The following ZNF423 variants were observed in gnomAD, a reference collection of about 807,000 sequenced individuals.
ZNF423 encodes zinc finger protein 423, also known as Ebf-associated zinc finger protein.
A neutral mutation model predicts 95.8 loss-of-function variants in ZNF423; 12 were observed. The observed-to-expected ratio is 0.13, with a 90% CI of 0.08 to 0.20. The LOEUF (loss-of-function observed/expected upper bound fraction) is 0.20. Among genes scored for constraint, ZNF423 ranks in the 10% least tolerant of loss-of-function variants. ZNF423 has a pLI of 1.00. For synonymous variants in ZNF423, 749 were observed against 711.9 expected (o/e 1.05, Z -0.83); for missense variants, 1,316 against 1,737.1 (o/e 0.76, Z 4.31).
intron 5 of ZNF423, among the ~76,000 whole-genome samples, chr16:49,586,472 T>C (rs972536532): frequency 2.0e-5 from 3 of 152,230 alleles, no homozygotes; most frequent in Middle Eastern, 3.2e-3. Flanking sequence ...TTGCTAATAG[T>C]TATGCAAGGC....
At chr16:49,535,607 G>A (rs1167881962) in intron 5 of ZNF423, among the ~76,000 whole-genome samples, 1 of 152,116 alleles carries the variant, frequency 6.6e-6, no homozygotes. Flanking sequence ...ACTGAGAACC[G>A]AGGAAAGAGA....
intron 3 of ZNF423, among the ~76,000 whole-genome samples, chr16:49,645,226 G>T (rs1398931189): frequency 6.6e-6 from 1 of 152,166 alleles, no homozygotes; most frequent in African/African-American, 2.4e-5. Flanking sequence ...AGAGCTCCAA[G>T]AATAGGAATC....
chr16:49,566,198 G>A (rs1970183616), intron 5 of ZNF423, among the ~76,000 whole-genome samples: 1 of 152,172 alleles, frequency 6.6e-6, no homozygotes, highest in African/African-American at 2.4e-5. Flanking sequence ...CCCCCAAACA[G>A]CACTCATAGC....
chr16:49,831,275 TTC>T (rs2035058234), intron 1 of ZNF423, among the ~76,000 whole-genome samples: 2 of 152,360 alleles, frequency 1.3e-5, no homozygotes, highest in African/African-American at 4.8e-5. Flanking sequence ...TCTTTCTTTA[TTC>T]ATTTTATCTT....
At chr16:49,624,877 C>T (rs978534994) in intron 5 of ZNF423, among the ~76,000 whole-genome samples, 1 of 152,212 alleles carries the variant, frequency 6.6e-6, no homozygotes, top group African/African-American at 2.4e-5. Context: ...AAGAGGGAAG[C>T]TTCTGAAATG....
chr16:49,683,138 G>A (rs543038349), intron 3 of ZNF423, among the ~76,000 whole-genome samples: 42 of 152,240 alleles, frequency 2.8e-4, no homozygotes, highest in African/African-American at 6.0e-4. Flanking sequence ...GGTGCCTGGC[G>A]TCTGCCTCCA....
At position 49,545,791 on chromosome 16, in the gene ZNF423, C is replaced by CT. The variant is rs1969417568; in HGVS notation, c.3602-20298dup. 2.0e-5 allele frequency among the ~76,000 whole-genome samples: 3 copies of CT among 152,222 alleles called. No individual in the cohort carries two copies. The South Asian group carries it at 6.2e-4, about 32-fold the overall frequency. ...GTTAATAAAGATTAGCTCTCCTGGA[C>CT]TATCTTGGAGGCATTCAAGTGCTAA... On this transcript the variant is annotated intron_variant, in intron 5 of 7. Coordinates refer to ENST00000563137, the MANE Select transcript of ZNF423 (RefSeq NM_001379286.1).
At chr16:49,781,381 G>A (rs969873998) in intron 2 of ZNF423, among the ~76,000 whole-genome samples, 5 of 152,184 alleles carry the variant, frequency 3.3e-5, no homozygotes, top group South Asian at 2.1e-4. Context: ...TGAGAGGTAC[G>A]TGGGTCCCAG....
At chr16:49,559,843 C>T (rs1969959902) in intron 5 of ZNF423, among the ~76,000 whole-genome samples, 1 of 152,172 alleles carries the variant, frequency 6.6e-6, no homozygotes, top group South Asian at 2.1e-4. Flanking sequence ...GGCACGATCC[C>T]AGTCAAGAAA....
At position 49,620,132 on chromosome 16, in the gene ZNF423, T is replaced by TACACACAC. The variant is rs56739115; in HGVS notation, c.3601+6030_3601+6037dup. Among the ~76,000 whole-genome samples the TACACACAC allele has an allele frequency of 6.2e-3, 894 of 143,854 alleles. 4 individuals are homozygous for TACACACAC. Among genetic ancestry groups the TACACACAC allele is most frequent in the African/African-American group, 0.016 (635 of 39,160 alleles). 94.4% of individuals were successfully genotyped at this position (143,854 alleles called of 152,430 possible). ...TCTCCCTCTTTCCCTCTCTCTCTTCTACACACACACACACACACACACACA... is the reference window on the plus strand; with the variant it reads ...TCTCCCTCTTTCCCTCTCTCTCTTCTACACACACACACACACACACACACACACACACA... On this transcript the variant is annotated intron_variant, in intron 5 of 7. Transcript: ENST00000563137.
intron 2 of ZNF423, among the ~76,000 whole-genome samples, chr16:49,739,696 G>GTTTTTTT (rs10574656): frequency 1.9e-5 from 1 of 52,592 alleles, no homozygotes; most frequent in African/African-American, 8.3e-5. Flanking sequence ...TTTTTGTTTG[G>GTTTTTTT]TTTTTTTTTT....
intron 6 of ZNF423, among the ~76,000 whole-genome samples, chr16:49,524,822 C>A (rs1269890775): frequency 6.6e-6 from 1 of 152,128 alleles, no homozygotes; most frequent in African/African-American, 2.4e-5. Flanking sequence ...CGGCAGAGCC[C>A]CTGAGACTTG....
At chr16:49,714,464 C>A (rs1267265939) in intron 3 of ZNF423, among the ~76,000 whole-genome samples, 1 of 152,028 alleles carries the variant, frequency 6.6e-6, no homozygotes, top group South Asian at 2.1e-4. Flanking sequence ...CAAGACCAGC[C>A]TGGCCAACAT....
intron 3 of ZNF423, among the ~76,000 whole-genome samples, chr16:49,703,203 A>G (rs2032247838): frequency 6.6e-6 from 1 of 152,212 alleles, no homozygotes; most frequent in Non-Finnish European, 1.5e-5. Flanking sequence ...CCGCTGGAAC[A>G]CACAAAGAAA....
At chr16:49,738,943 T>C (rs961273587) in intron 2 of ZNF423, among the ~76,000 whole-genome samples, 2 of 151,938 alleles carry the variant, frequency 1.3e-5, no homozygotes, top group Non-Finnish European at 2.9e-5. Flanking sequence ...GCAGTGGAGC[T>C]GATGGAACCA....
intron 5 of ZNF423, among the ~76,000 whole-genome samples, chr16:49,619,783 G>A (rs1012737784): frequency 3.3e-5 from 5 of 152,118 alleles, no homozygotes; most frequent in African/African-American, 1.2e-4. Context: ...GACACAGCCC[G>A]GTTCAGCAAC....
At chr16:49,826,984 G>C (rs886572899) in intron 1 of ZNF423, 1 of 152,144 alleles carries the variant, frequency 6.6e-6, no homozygotes, top group Non-Finnish European at 1.5e-5. Context: ...TCTTCAGGGG[G>C]ACATTCCGGA....
chr16:49,816,336 TTTTG>T (rs1284028567), intron 1 of ZNF423, among the ~76,000 whole-genome samples: 5 of 152,070 alleles, frequency 3.3e-5, no homozygotes, highest in African/African-American at 2.4e-5. Context: ...TCCTGAGTAT[TTTTG>T]TTTGTTTGTT....
At chr16:49,584,404 G>A (rs948271308) in intron 5 of ZNF423, among the ~76,000 whole-genome samples, 1 of 152,178 alleles carries the variant, frequency 6.6e-6, no homozygotes, top group African/African-American at 2.4e-5. Context: ...CAAGCTTTAA[G>A]GGGGCTGCTG....
Sources: gnomAD v4.1 joint callset for allele counts (sites outside exome capture counted in the v4.1 genomes callset) on GRCh38, gnomAD v4.1.1 for gene constraint, MANE v1.5 for transcripts, NCBI Gene and HGNC (gene_info 2026-07-23, HGNC 2026-07-21) for gene names.